ME1: variants seen among roughly 807,000 people sequenced by gnomAD.
ME1 encodes the protein malic enzyme 1.
A neutral mutation model predicts 66.4 loss-of-function variants in ME1; 74 were observed. The ratio of observed to expected loss-of-function variants is 1.11; its 90% CI spans 0.92 to 1.35. ME1 has a LOEUF of 1.35. Ranked by LOEUF, ME1 falls within the 40% of genes most tolerant of loss-of-function variation. The pLI, the probability that ME1 is intolerant of heterozygous loss-of-function variation, is 0.00. For missense variants in ME1, 750 were observed against 694.1 expected, an observed-to-expected ratio of 1.08 and a Z score of -0.90; for synonymous variants, 251 against 235.6, an observed-to-expected ratio of 1.07 and a Z score of -0.60.
At chr6:83,289,275 T>C (rs1767454412) in intron 6 of ME1, among the ~76,000 whole-genome samples, 1 of 152,192 alleles carries the variant, frequency 6.6e-6, no homozygotes, top group Non-Finnish European at 1.5e-5. Flanking sequence ...AGTATGATAT[T>C]GGCTATGGGT....
At chr6:83,269,256 T>C (rs1354648191) in intron 6 of ME1, among the ~76,000 whole-genome samples, 3 of 152,094 alleles carry the variant, frequency 2.0e-5, no homozygotes, top group Non-Finnish European at 2.9e-5. Context: ...TTGTTTTTTT[T>C]CTATAATAAA....
chr6:83,306,505 G>A lies in ME1; in HGVS notation c.704+8805C>T, dbSNP rs148124018. Among the ~76,000 whole-genome samples, 3 of 152,006 alleles carry A rather than the reference G, an allele frequency of 2.0e-5. No individual in the cohort carries two copies. In the East Asian group the frequency reaches 5.8e-4, roughly 29 times the overall value. ...AGATAGGTAACAATGGATACAACAG[G>A]AATTTATTAAAATGTTTCTTTTCTT... On this transcript the variant is annotated intron_variant, in intron 6 of 13. Transcript: ENST00000369705.
intron 2 of ME1, among the ~76,000 whole-genome samples, chr6:83,402,351 C>G (rs900544832): frequency 1.4e-4 from 22 of 152,154 alleles, no homozygotes; most frequent in Non-Finnish European, 2.6e-4. Context: ...ACTAACAACC[C>G]TAGTGTCACA....
intron 6 of ME1, among the ~76,000 whole-genome samples, chr6:83,257,868 C>T (rs536288465): frequency 1.3e-5 from 2 of 152,262 alleles, no homozygotes; most frequent in East Asian, 1.9e-4. Context: ...AGAGTGCTGT[C>T]ATATGGTTTG....
intron 7 of ME1, among the ~76,000 whole-genome samples, chr6:83,245,747 C>A (rs1790607226): frequency 6.6e-6 from 1 of 151,848 alleles, no homozygotes; most frequent in Non-Finnish European, 1.5e-5. Flanking sequence ...ATGTTACATT[C>A]TTTTGTAATA....
chr6:83,365,200 C>A (rs932901626), intron 3 of ME1, among the ~76,000 whole-genome samples: 2 of 152,206 alleles, frequency 1.3e-5, no homozygotes, highest in Non-Finnish European at 1.5e-5. Flanking sequence ...TCAACCAATT[C>A]TCCTGCCTCA....
chr6:83,383,291 A>AT (rs1382241378), intron 3 of ME1, among the ~76,000 whole-genome samples: 1 of 151,940 alleles, frequency 6.6e-6, no homozygotes, highest in African/African-American at 2.4e-5. Flanking sequence ...ATTGTTTTAC[A>AT]TTATAAAATG....
At position 83,390,934 on chromosome 6, in the gene ME1, A is replaced by AT. The variant is rs574939251; in HGVS notation, c.362+7432dup. On this transcript the variant is annotated intron_variant, in intron 3 of 13. Coordinates refer to ENST00000369705, the MANE Select transcript of ME1 (RefSeq NM_002395.6). ...TATATAAGTTTATATATATGTAAAC[A>AT]TATTTATTTCTAAGAAAGTTCCCAT... 4.6e-3 allele frequency among the ~76,000 whole-genome samples: 694 copies of AT among 152,206 alleles called. 2 individuals carry two copies. The highest frequency in any genetic ancestry group is 0.015 in the African/African-American group (636 of 41,528).
chr6:83,349,205 A>G (rs1316943916), intron 4 of ME1, among the ~76,000 whole-genome samples: 1 of 152,022 alleles, frequency 6.6e-6, no homozygotes, highest in Non-Finnish European at 1.5e-5. Context: ...TATAGCATTA[A>G]TTCATAAATA....
In ME1 at chr6:83,346,052, G is replaced by A. The variant is rs1290789395; in HGVS notation, c.600+121C>T. 4.0e-6 allele frequency: 3 copies of A among 752,056 alleles called. No individual in the cohort carries two copies. In the African/African-American group the frequency reaches 5.4e-5, roughly 13 times the overall value. The allele number at this position is 752,056 out of a possible 1,614,324, so 46.6% of individuals were successfully genotyped here. A position where few individuals can be genotyped will look rare whatever the true frequency, so the allele number is the denominator to read the frequency against. On this transcript the variant is annotated intron_variant, in intron 5 of 13. Coordinates refer to ENST00000369705, the MANE Select transcript of ME1 (RefSeq NM_002395.6). Reference sequence around the variant, plus strand: ...TACAACAGTAAAGGGCAGATTTGGAGAGAGAAAGAGAACCAGACAAAAAAG... The same window carrying A: ...TACAACAGTAAAGGGCAGATTTGGAAAGAGAAAGAGAACCAGACAAAAAAG...
intron 3 of ME1, among the ~76,000 whole-genome samples, chr6:83,373,069 T>C (rs1769222858): frequency 1.3e-5 from 2 of 152,192 alleles, no homozygotes; most frequent in East Asian, 1.9e-4. Flanking sequence ...AAATAAAAGT[T>C]CCATCCTTCA....
chr6:83,301,334 CTCTCTTTCTT>C (rs1277889606), intron 6 of ME1, among the ~76,000 whole-genome samples: 98 of 128,054 alleles, frequency 7.7e-4, no homozygotes, highest in African/African-American at 3.5e-3. Flanking sequence ...CTCTCTCTCT[CTCTCTTTCTT>C]TCTTTCTTTC....
intron 7 of ME1, among the ~76,000 whole-genome samples, chr6:83,251,234 C>T (rs984959094): frequency 1.3e-5 from 2 of 152,080 alleles, no homozygotes; most frequent in African/African-American, 4.8e-5. Context: ...GTGGCTTATG[C>T]CTGTAATCCC....
chr6:83,270,428 T>C (rs1661398557), intron 6 of ME1, among the ~76,000 whole-genome samples: 1 of 152,126 alleles, frequency 6.6e-6, no homozygotes, highest in South Asian at 2.1e-4. Context: ...TTGATATTTC[T>C]ATAGGACAAA....
At chr6:83,388,091 C>CTTTTTTTTTTTTTTTT (rs57683304) in intron 3 of ME1, among the ~76,000 whole-genome samples, 5 of 133,404 alleles carry the variant, frequency 3.7e-5, no homozygotes, top group Admixed American at 8.3e-5. Flanking sequence ...TCCTTCCTTC[C>CTTTTTTTTTTTTTTTT]TTTTTTTTTT....
intron 6 of ME1, among the ~76,000 whole-genome samples, chr6:83,264,771 G>A (rs1384320873): frequency 6.6e-6 from 1 of 152,302 alleles, no homozygotes; most frequent in African/African-American, 2.4e-5. Context: ...CTGAGGAATT[G>A]CTTTTTCTGG....
At chr6:83,370,265 G>C (rs1478277137) in intron 3 of ME1, among the ~76,000 whole-genome samples, 1 of 152,140 alleles carries the variant, frequency 6.6e-6, no homozygotes, top group East Asian at 1.9e-4. Context: ...TATATGGTGA[G>C]AGGAAAAGGC....
chr6:83,363,930 T>C (rs552272584), intron 3 of ME1, among the ~76,000 whole-genome samples: 15 of 152,294 alleles, frequency 9.8e-5, no homozygotes, highest in African/African-American at 3.1e-4. Flanking sequence ...ATTATGACCT[T>C]ATTATTGTCT....
chr6:83,357,935 C>CTCTCTATATATATA (rs1447805761), intron 3 of ME1, among the ~76,000 whole-genome samples: 2 of 30,040 alleles, frequency 6.7e-5, no homozygotes, highest in African/African-American at 2.3e-4. Flanking sequence ...CTCTCTCTCT[C>CTCTCTATATATATA]TATATATATA....
Sources: allele counts gnomAD v4.1 joint callset (sites outside exome capture counted in the v4.1 genomes callset), GRCh38; gene constraint gnomAD v4.1.1; transcripts MANE v1.5; gene names NCBI Gene and HGNC (gene_info 2026-07-23, HGNC 2026-07-21).